IFT81: variants seen among roughly 807,000 people sequenced by gnomAD.
IFT81 encodes the protein intraflagellar transport 81.
A neutral mutation model predicts 102.6 loss-of-function variants in IFT81; 72 were observed. The ratio of observed to expected loss-of-function variants is 0.70; its 90% CI spans 0.58 to 0.85. The LOEUF (loss-of-function observed/expected upper bound fraction) is 0.85, where lower values mean the gene tolerates loss of function less well. Ranked by LOEUF, IFT81 falls within the 40% of genes least tolerant of loss-of-function variation. The pLI is 0.00. For missense variants in IFT81, 723 were observed against 787.3 expected (o/e 0.92, Z 0.98); for synonymous variants, 237 against 242.7 (o/e 0.98, Z 0.22).
intron 14 of IFT81, among the ~76,000 whole-genome samples, chr12:110,199,826 C>T (rs926033491): frequency 1.3e-5 from 2 of 152,152 alleles, no homozygotes; most frequent in African/African-American, 2.4e-5. Context: ...CTAAGGAAAC[C>T]GTGCAGCAGG....
At chr12:110,148,529 G>A (rs1052802291) in intron 10 of IFT81, among the ~76,000 whole-genome samples, 1 of 151,482 alleles carries the variant, frequency 6.6e-6, no homozygotes, top group East Asian at 1.9e-4. Flanking sequence ...AGGCTAGAGT[G>A]CAGTGGTGCG....
At chr12:110,181,619 C>G (rs1897316867) in intron 12 of IFT81, among the ~76,000 whole-genome samples, 1 of 152,150 alleles carries the variant, frequency 6.6e-6, no homozygotes, top group Non-Finnish European at 1.5e-5. Context: ...TATGTCAATT[C>G]AGTCAGTATG....
chr12:110,148,266 A>G (rs1343068417), intron 10 of IFT81, among the ~76,000 whole-genome samples: 1 of 151,786 alleles, frequency 6.6e-6, no homozygotes, highest in Non-Finnish European at 1.5e-5. Context: ...CGTATTTCCT[A>G]TAAATTAGAA....
chr12:110,205,690 TTTG>T lies in IFT81; in HGVS notation c.1802+16_1802+18del, dbSNP rs753759359. 3 of 1,548,598 alleles carry T rather than the reference TTTG, an allele frequency of 1.9e-6. No homozygotes were observed. The highest frequency in any genetic ancestry group is 2.3e-5 in the East Asian group (1 of 43,956). On this transcript the variant is annotated intron_variant, in intron 17 of 18. Transcript: ENST00000242591. ...AAAGAAAGGCAATTAGGCAAGTGAT[TTTG>T]TTGTTTTATATTGAGATACTTAATA...
intron 18 of IFT81, among the ~76,000 whole-genome samples, chr12:110,212,046 A>G (rs892917765): frequency 2.0e-5 from 3 of 152,184 alleles, no homozygotes; most frequent in Non-Finnish European, 2.9e-5. Flanking sequence ...GACTCAATAC[A>G]TTGGTGATGG....
chr12:110,127,323 A>G, intron 1 of IFT81, 37 bp from the exon 2 acceptor site: 2 of 1,394,628 alleles, frequency 1.4e-6, no homozygotes, highest in Non-Finnish European at 1.9e-6. Context: ...TTTTGTTGCC[A>G]GTATTAAGGA....
chr12:110,154,163 T>G (rs956739829), intron 10 of IFT81, among the ~76,000 whole-genome samples: 2 of 151,834 alleles, frequency 1.3e-5, no homozygotes, highest in Admixed American at 1.3e-4. Flanking sequence ...TTCTGTATTT[T>G]TAGTAGAGAC....
At chr12:110,203,008 G>A (rs1898375169) in intron 14 of IFT81, among the ~76,000 whole-genome samples, 2 of 152,098 alleles carry the variant, frequency 1.3e-5, no homozygotes, top group African/African-American at 4.8e-5. Flanking sequence ...GCTCACGCTT[G>A]TAATCCCAGC....
At chr12:110,127,843 T>C (rs1043412693) in intron 2 of IFT81, among the ~76,000 whole-genome samples, 1 of 152,220 alleles carries the variant, frequency 6.6e-6, no homozygotes, top group African/African-American at 2.4e-5. Context: ...GATACTTTTT[T>C]TGAAGCTTAA....
intron 14 of IFT81, chr12:110,203,507 C>T (rs752265043): frequency 2.1e-4 from 41 of 194,164 alleles, no homozygotes; most frequent in Admixed American, 4.9e-4. Flanking sequence ...GTTAGGTTCC[C>T]GGGAGTCCTG....
Position 110,197,715 on chromosome 12 carries a change from GTTTA to G in IFT81, c.1557+5020_1557+5023del, listed in dbSNP as rs1014959727. ...TTTTTTTTATTTATTTGTTTGTTTT[GTTTA>G]TTTATTTATTGAGATGGAGTTTCAC... On this transcript the variant is annotated intron_variant, in intron 14 of 18. Transcript: ENST00000242591. 4.6e-5 allele frequency among the ~76,000 whole-genome samples: 7 copies of G among 151,410 alleles called. No individual in the cohort carries two copies. The South Asian group carries it at 6.3e-4, about 14-fold the overall frequency.
At chr12:110,195,578 G>T (rs1348801013) in intron 14 of IFT81, among the ~76,000 whole-genome samples, 3 of 151,982 alleles carry the variant, frequency 2.0e-5, no homozygotes, top group Admixed American at 2.0e-4. Context: ...AGGCTTTGTT[G>T]TATCATTTCT....
Position 110,128,101 on chromosome 12 carries a change from G to C in IFT81, c.200G>C (p.Ser67Thr), listed in dbSNP as rs781329241. The change falls in exon 3 of 19, where the codon AGC becomes ACC. Residue 67 changes from serine (S) to threonine (T), a missense_variant. Transcript: ENST00000242591. The stretch of plus-strand genomic sequence containing the variant: ...GAGCAGACAGCCAAACGAATGTTGA[G>C]CCTTCTTGGTATTCTTAAGTACAAA... Reference protein sequence around the residue: ...MPEQTAKRMLSLLGILKYKPS... With the variant: ...MPEQTAKRMLTLLGILKYKPS... The C allele has an allele frequency of 6.2e-7, 1 of 1,613,672 alleles. No individual in the cohort carries two copies. Among genetic ancestry groups the C allele is most frequent in the Non-Finnish European group, 8.5e-7 (1 of 1,179,690 alleles).
At chr12:110,196,714 G>A (rs533525095) in intron 14 of IFT81, among the ~76,000 whole-genome samples, 6 of 152,182 alleles carry the variant, frequency 3.9e-5, no homozygotes, top group South Asian at 4.2e-4. Flanking sequence ...AAAACTTCCC[G>A]TTGAATTTTA....
intron 11 of IFT81, among the ~76,000 whole-genome samples, chr12:110,170,400 T>C (rs1021053224): frequency 5.3e-5 from 8 of 152,248 alleles, no homozygotes; most frequent in African/African-American, 1.9e-4. Flanking sequence ...TGCTGTTTCA[T>C]AGGCAGCAAT....
intron 11 of IFT81, among the ~76,000 whole-genome samples, chr12:110,173,695 T>C (rs1593334657): frequency 6.6e-6 from 1 of 152,212 alleles, no homozygotes; most frequent in African/African-American, 2.4e-5. Context: ...AAACATGTGC[T>C]GTGTCCACTC....
chr12:110,190,647 CTA>C (rs1897753178), intron 12 of IFT81, among the ~76,000 whole-genome samples: 1 of 151,952 alleles, frequency 6.6e-6, no homozygotes, highest in African/African-American at 2.4e-5. Flanking sequence ...TGAATGTACC[CTA>C]TGTTTTAGGT....
chr12:110,131,291 C>A (rs12316812), intron 4 of IFT81, among the ~76,000 whole-genome samples: 63,114 of 149,596 alleles, frequency 0.42, 14,529 homozygotes, highest in African/African-American at 0.6. Context: ...TCAAAAACAA[C>A]AAAAAAAAAC....
intron 18 of IFT81, among the ~76,000 whole-genome samples, chr12:110,217,241 C>G (rs1484931529): frequency 2.6e-5 from 4 of 152,040 alleles, no homozygotes; most frequent in Non-Finnish European, 5.9e-5. Context: ...GATAGGGTTT[C>G]ACCTTGTTGA....
Sources: allele counts gnomAD v4.1 joint callset (sites outside exome capture counted in the v4.1 genomes callset), GRCh38; gene constraint gnomAD v4.1.1; transcripts MANE v1.5; gene names NCBI Gene and HGNC (gene_info 2026-07-23, HGNC 2026-07-21).